EGFLAM: variants seen among roughly 807,000 people sequenced by gnomAD.
EGFLAM encodes the protein EGF like, fibronectin type III and laminin G domains.
A neutral mutation model predicts 113.1 loss-of-function variants in EGFLAM; 79 were observed. The ratio of observed to expected loss-of-function variants is 0.70; its 90% CI spans 0.58 to 0.84. EGFLAM has a LOEUF of 0.84. EGFLAM is among the 40% of genes least tolerant of loss of function. The pLI, the probability that EGFLAM is intolerant of heterozygous loss-of-function variation, is 0.00. For missense variants in EGFLAM, 1,265 were observed against 1,291.6 expected, an observed-to-expected ratio of 0.98 and a Z score of 0.32; for synonymous variants, 504 against 487.6, an observed-to-expected ratio of 1.03 and a Z score of -0.44.
intron 18 of EGFLAM, 42 bp from the exon 19 acceptor site, chr5:38,451,270 ATGT>A: frequency 1.9e-6 from 3 of 1,597,196 alleles, no homozygotes; most frequent in African/African-American, 1.3e-5. Context: ...TCGGAAACAG[ATGT>A]TGGTGGTTGA....
chr5:38,363,271 T>G (rs1053992377), intron 5 of EGFLAM, among the ~76,000 whole-genome samples: 17 of 152,206 alleles, frequency 1.1e-4, no homozygotes, highest in Non-Finnish European at 2.5e-4. Flanking sequence ...GTGTTTGCCC[T>G]GGGTAATGTA....
chr5:38,339,323 T>G (rs112393483), intron 3 of EGFLAM, among the ~76,000 whole-genome samples: 8 of 152,298 alleles, frequency 5.3e-5, no homozygotes, highest in African/African-American at 1.9e-4. Flanking sequence ...CTTGAGTGAA[T>G]TTTTGGCCTT....
intron 9 of EGFLAM, among the ~76,000 whole-genome samples, chr5:38,408,179 C>T (rs4133008): frequency 0.33 from 50,869 of 151,978 alleles, 10,107 homozygotes; most frequent in African/African-American, 0.56. Flanking sequence ...TGTTGGGGTC[C>T]GAGCAATGTT....
chr5:38,435,095 G>A, intron 15 of EGFLAM, 42 bp from the exon 16 acceptor site: 1 of 1,557,922 alleles, frequency 6.4e-7, no homozygotes, highest in Non-Finnish European at 8.9e-7. Flanking sequence ...TTGAACATCT[G>A]TTTTAAAGTC....
At chr5:38,337,344 C>A (rs1739214583) in intron 1 of EGFLAM, among the ~76,000 whole-genome samples, 176 bp from the exon 2 acceptor site, 1 of 152,158 alleles carries the variant, frequency 6.6e-6, no homozygotes, top group Non-Finnish European at 1.5e-5. Context: ...GAAGGGATAG[C>A]AAAGTGAGTG....
intron 1 of EGFLAM, among the ~76,000 whole-genome samples, chr5:38,321,676 A>G (rs1186849379): frequency 2.0e-5 from 3 of 152,192 alleles, no homozygotes; most frequent in Non-Finnish European, 2.9e-5. Flanking sequence ...CTAAACAGGA[A>G]CCACTGCTAG....
intron 17 of EGFLAM, among the ~76,000 whole-genome samples, chr5:38,446,498 C>T (rs925772595): frequency 2.6e-5 from 4 of 152,070 alleles, no homozygotes; most frequent in African/African-American, 9.7e-5. Context: ...ACTCTTTTTT[C>T]CTCCCTGTTT....
At chr5:38,319,491 C>T (rs770419317) in intron 1 of EGFLAM, among the ~76,000 whole-genome samples, 12 of 152,142 alleles carry the variant, frequency 7.9e-5, no homozygotes, top group Non-Finnish European at 1.0e-4. Context: ...TTGTAGGTGC[C>T]AGGAATAAAG....
intron 1 of EGFLAM, among the ~76,000 whole-genome samples, chr5:38,289,275 G>C (rs10472300): frequency 0.45 from 66,438 of 147,794 alleles, 16,945 homozygotes; most frequent in African/African-American, 0.69. Context: ...TTCTTTCCCC[G>C]CCCCCACATT....
chr5:38,349,411 G>A (rs1242389884), intron 3 of EGFLAM, among the ~76,000 whole-genome samples: 5 of 152,124 alleles, frequency 3.3e-5, no homozygotes, highest in African/African-American at 1.2e-4. Flanking sequence ...CATTTCCTGA[G>A]CACATCTTCC....
intron 6 of EGFLAM, among the ~76,000 whole-genome samples, chr5:38,386,769 G>A (rs1579853122): frequency 6.6e-6 from 1 of 151,646 alleles, no homozygotes; most frequent in Non-Finnish European, 1.5e-5. Flanking sequence ...CCTCTCAAAG[G>A]TCTGGGATTA....
chr5:38,352,444 C>T (rs1293234068), intron 5 of EGFLAM, 113 bp downstream of exon 5: 43 of 1,373,342 alleles, frequency 3.1e-5, no homozygotes, highest in East Asian at 7.6e-5. Context: ...GTCAGGAGTT[C>T]GAGACCAGCC....
chr5:38,338,377 G>A (rs1739240523), intron 2 of EGFLAM, among the ~76,000 whole-genome samples: 1 of 152,128 alleles, frequency 6.6e-6, no homozygotes, highest in Non-Finnish European at 1.5e-5. Flanking sequence ...ATATATCTCT[G>A]GGCTCATGTC....
intron 1 of EGFLAM, among the ~76,000 whole-genome samples, chr5:38,292,884 C>T (rs1359531396): frequency 6.6e-6 from 1 of 152,144 alleles, no homozygotes; most frequent in African/African-American, 2.4e-5. Context: ...TATGGGGAAC[C>T]ATTAATCATC....
In EGFLAM at chr5:38,306,038, G is replaced by A. The variant is rs183594981; in HGVS notation, c.98-31482G>A. ...GTAGCACTTAATCACCAGAGACTGAGTGGGTGACCATGGTTATGATAATTG... is the reference window on the plus strand; with the variant it reads ...GTAGCACTTAATCACCAGAGACTGAATGGGTGACCATGGTTATGATAATTG... On this transcript the variant is annotated intron_variant, in intron 1 of 21. Transcript: ENST00000322350. Among the ~76,000 whole-genome samples the A allele has an allele frequency of 2.5e-3, 376 of 152,334 alleles. 2 individuals are homozygous for A. The highest frequency in any genetic ancestry group is 8.5e-3 in the African/African-American group (355 of 41,576).
chr5:38,431,806 G>A (rs959166197), intron 15 of EGFLAM, among the ~76,000 whole-genome samples: 1 of 152,204 alleles, frequency 6.6e-6, no homozygotes, highest in African/African-American at 2.4e-5. Context: ...TAATGGTGAT[G>A]ATAATAGTGC....
intron 17 of EGFLAM, among the ~76,000 whole-genome samples, chr5:38,441,986 C>T (rs1330773776): frequency 1.3e-5 from 2 of 152,174 alleles, no homozygotes; most frequent in Admixed American, 1.3e-4. Context: ...AGCGCCTGTA[C>T]TCATCAGGGG....
At chr5:38,285,610 A>G (rs1356966153) in intron 1 of EGFLAM, 2 of 152,252 alleles carry the variant, frequency 1.3e-5, no homozygotes, top group African/African-American at 4.8e-5. Context: ...AACTTAGTGT[A>G]TTAGTCCATT....
chr5:38,313,529 G>A (rs2111868413), intron 1 of EGFLAM, among the ~76,000 whole-genome samples: 1 of 152,280 alleles, frequency 6.6e-6, no homozygotes, highest in Middle Eastern at 3.4e-3. Flanking sequence ...ATTGTGAGAA[G>A]TATTAATACT....
Sources: gnomAD v4.1 joint callset for allele counts (sites outside exome capture counted in the v4.1 genomes callset) on GRCh38, gnomAD v4.1.1 for gene constraint, MANE v1.5 for transcripts, NCBI Gene and HGNC (gene_info 2026-07-23, HGNC 2026-07-21) for gene names.